The following ANKRD31 variants were observed in gnomAD, a reference collection of about 807,000 sequenced individuals.
ANKRD31 encodes the protein ankyrin repeat domain 31, also known as ankyrin repeat domain-containing protein 31.
Under a neutral mutation model 186.0 loss-of-function variants are expected in ANKRD31, and 147 were observed. The ratio of observed to expected loss-of-function variants is 0.79; its 90% CI spans 0.69 to 0.91. The LOEUF (loss-of-function observed/expected upper bound fraction) is 0.91. Among genes scored for constraint, ANKRD31 ranks in the 40% least tolerant of loss-of-function variants. The pLI, the probability that ANKRD31 is intolerant of heterozygous loss-of-function variation, is 0.00. For missense variants in ANKRD31, 1,986 were observed against 2,148.8 expected (o/e 0.92, Z 1.50); for synonymous variants, 673 against 736.4 (o/e 0.91, Z 1.39).
intron 12 of ANKRD31, 59 bp from the exon 13 acceptor site, chr5:75,148,687 C>T (rs1365129704): frequency 1.5e-6 from 2 of 1,303,208 alleles, no homozygotes; most frequent in African/African-American, 3.0e-5. Context: ...CTTTAGACTT[C>T]TAAAACCCAC....
intron 17 of ANKRD31, among the ~76,000 whole-genome samples, chr5:75,132,671 C>T (rs1275705395): frequency 1.3e-5 from 2 of 152,088 alleles, no homozygotes; most frequent in Non-Finnish European, 2.9e-5. Flanking sequence ...GAGAACGCCA[C>T]AAAGATACTC....
intron 11 of ANKRD31, among the ~76,000 whole-genome samples, chr5:75,158,427 G>A (rs1278921547): frequency 6.6e-6 from 1 of 152,146 alleles, no homozygotes; most frequent in East Asian, 1.9e-4. Flanking sequence ...AGCAACCCAA[G>A]TTGGGCATGT....
intron 11 of ANKRD31, among the ~76,000 whole-genome samples, chr5:75,164,498 G>C (rs527938097): frequency 1.3e-5 from 2 of 152,250 alleles, no homozygotes; most frequent in Non-Finnish European, 2.9e-5. Flanking sequence ...TAAAGGTAGA[G>C]AGTACATAAG....
rs1160286418 is a variant in ANKRD31, at chr5:75,195,839, G to A, written c.809C>T (p.Ser270Leu). ...SSISIPLNSW[S>L]ACHRDLLEDA... Reference sequence around the variant, plus strand: ...TTCTAGTAAATCTCTATGACATGCCGACCAGGAATTCAAAGGTATTGATAT... The same window carrying A: ...TTCTAGTAAATCTCTATGACATGCCAACCAGGAATTCAAAGGTATTGATAT... Residue 270 changes from serine (S) to leucine (L), a missense_variant, in exon 7 of 26, where the codon TCG (serine) becomes TTG (leucine). Coordinates refer to ENST00000506364, the MANE Select transcript of ANKRD31 (RefSeq NM_001372053.1). 12 of 1,537,006 alleles carry A rather than the reference G, an allele frequency of 7.8e-6. No homozygotes were observed. The highest frequency in any genetic ancestry group is 2.4e-5 in the South Asian group (2 of 84,024).
At chr5:75,102,803 T>A (rs1228284284) in intron 22 of ANKRD31, among the ~76,000 whole-genome samples, 1 of 151,954 alleles carries the variant, frequency 6.6e-6, no homozygotes, top group Non-Finnish European at 1.5e-5. Context: ...AGGGTGGGAG[T>A]GTCCCGATTT....
Position 75,168,126 on chromosome 5 carries a change from C to G in ANKRD31, c.1707+853G>C, listed in dbSNP as rs1476428607. ...AAAAACAAACAACAAAAAAAACTGCCTAAACCCTTCTGAAGTACTGTTTCA... is the reference window on the plus strand; with the variant it reads ...AAAAACAAACAACAAAAAAAACTGCGTAAACCCTTCTGAAGTACTGTTTCA... On this transcript the variant is annotated intron_variant, in intron 11 of 25. Transcript: ENST00000506364. Among the ~76,000 whole-genome samples, 6 of 152,166 alleles carry G rather than the reference C, an allele frequency of 3.9e-5. No individual in the cohort carries two copies. In the East Asian group the frequency reaches 9.6e-4, roughly 24 times the overall value.
At chr5:75,211,558 G>A (rs1756651957) in intron 3 of ANKRD31, among the ~76,000 whole-genome samples, 1 of 152,144 alleles carries the variant, frequency 6.6e-6, no homozygotes, top group Admixed American at 6.5e-5. Flanking sequence ...ACTTTTTTAA[G>A]GAATAGCCAC....
intron 20 of ANKRD31, among the ~76,000 whole-genome samples, chr5:75,111,908 C>G (rs1747819262): frequency 6.6e-6 from 1 of 152,186 alleles, no homozygotes; most frequent in Non-Finnish European, 1.5e-5. Context: ...GCACCACCTT[C>G]CACTGCACTA....
At chr5:75,192,591 A>G (rs1292900682) in intron 9 of ANKRD31, 76 bp downstream of exon 9, 2 of 1,193,204 alleles carry the variant, frequency 1.7e-6, no homozygotes, top group Non-Finnish European at 2.3e-6. Context: ...GAAAGTTGAG[A>G]AAGATAATCT....
At chr5:75,204,123 C>T (rs1396734562) in intron 5 of ANKRD31, among the ~76,000 whole-genome samples, 2 of 152,016 alleles carry the variant, frequency 1.3e-5, no homozygotes, top group African/African-American at 2.4e-5. Flanking sequence ...ACTTAAATTT[C>T]CTTAAACAAT....
At chr5:75,078,004 G>A (rs1225840933) in intron 25 of ANKRD31, among the ~76,000 whole-genome samples, 1 of 151,480 alleles carries the variant, frequency 6.6e-6, no homozygotes, top group Admixed American at 6.6e-5. Context: ...ATAGCAGAGG[G>A]CCTGCCACAT....
In ANKRD31 at chr5:75,182,637, T is replaced by C. The variant is rs562595599; in HGVS notation, c.1564+5856A>G. ...GGGAGGCTGAGGCAGGAGAATCTCT[T>C]GAACCTGGGAGGGGAAGGTTTCAGT... On this transcript the variant is annotated intron_variant, in intron 10 of 25. Transcript: ENST00000506364. 5.9e-4 allele frequency among the ~76,000 whole-genome samples: 90 copies of C among 151,802 alleles called. 1 individual carries two copies. The highest frequency in any genetic ancestry group is 2.1e-3 in the African/African-American group (86 of 41,368).
In ANKRD31 at chr5:75,147,189, T is replaced by A. The variant is rs764541920; in HGVS notation, c.2222A>T (p.Asp741Val). 1.7e-5 allele frequency: 26 copies of A among 1,536,348 alleles called. 1 individual carries two copies. In the South Asian group the frequency reaches 3.1e-4, roughly 18 times the overall value. Reference protein sequence around the residue: ...RKTQHKRTQVDDVDCNPRKIL... With the variant: ...RKTQHKRTQVVDVDCNPRKIL... ...CTTTCTTGGATTACAGTCTACATCA[T>A]CTACTTGGGTCCTTTTATGTTGTGT... Residue 741 changes from aspartate (D) to valine (V), a missense_variant, in exon 14 of 26, where the codon GAT (aspartate) becomes GTT (valine). Coordinates refer to ENST00000506364, the MANE Select transcript of ANKRD31 (RefSeq NM_001372053.1).
chr5:75,141,309 A>C (rs1036830348), intron 15 of ANKRD31, among the ~76,000 whole-genome samples: 1 of 152,136 alleles, frequency 6.6e-6, no homozygotes, highest in Non-Finnish European at 1.5e-5. Context: ...GCAATCCAAA[A>C]TTCTTTATTG....
At chr5:75,187,511 A>G (rs984940030) in intron 10 of ANKRD31, among the ~76,000 whole-genome samples, 5 of 151,998 alleles carry the variant, frequency 3.3e-5, no homozygotes, top group Non-Finnish European at 5.9e-5. Flanking sequence ...TGAGAAATCC[A>G]TAAAGTCAAA....
Position 75,080,651 on chromosome 5 carries a change from A to G in ANKRD31, c.5576-12T>C. On this transcript the variant is annotated splice_polypyrimidine_tract_variant and intron_variant, in intron 24 of 25. Coordinates refer to ENST00000506364, the MANE Select transcript of ANKRD31 (RefSeq NM_001372053.1). ...TAAACAAGCAACTTCTGAAAGTGAA[A>G]CAAAACGTTAGTAATAATTTTGCTG... The G allele has an allele frequency of 6.6e-7, 1 of 1,522,744 alleles. No homozygotes were observed. The highest frequency in any genetic ancestry group is 8.8e-7 in the Non-Finnish European group (1 of 1,140,276). 94.3% of individuals were successfully genotyped at this position (1,522,744 alleles called of 1,614,324 possible). A position where few individuals can be genotyped will look rare whatever the true frequency, so the allele number is the denominator to read the frequency against.
In ANKRD31 at chr5:75,148,603, T is replaced by C; in HGVS notation, c.1878A>G (p.Leu626=). Residue 626 remains leucine, a synonymous_variant, in exon 13 of 26, where the codon CTA becomes CTG. Transcript: ENST00000506364. ...TSAQRSSIDP[L]DIEDVYQHKK... ...TGTGTTGGTACACATCCTCTATGTC[T>C]AGTGGGTCAATGCTACTCCTTTGAG... The C allele has an allele frequency of 2.6e-6, 4 of 1,527,002 alleles. No individual in the cohort carries two copies. The highest frequency in any genetic ancestry group is 2.0e-5 in the Admixed American group (1 of 50,142). The allele number at this position is 1,527,002 out of a possible 1,614,324, so 94.6% of individuals were successfully genotyped here. A position where few individuals can be genotyped will look rare whatever the true frequency, so the allele number is the denominator to read the frequency against.
At chr5:75,199,015 AG>A (rs757895199) in intron 6 of ANKRD31, among the ~76,000 whole-genome samples, 3 of 152,168 alleles carry the variant, frequency 2.0e-5, no homozygotes, top group Non-Finnish European at 2.9e-5. Flanking sequence ...AACCTGGGTG[AG>A]ATGCCAAGAC....
At chr5:75,135,238 C>T (rs1214469123) in intron 17 of ANKRD31, among the ~76,000 whole-genome samples, 2 of 152,180 alleles carry the variant, frequency 1.3e-5, no homozygotes, top group African/African-American at 4.8e-5. Context: ...TCCCTGTTTG[C>T]AGATGACATG....
Sources: gnomAD v4.1 joint callset for allele counts (sites outside exome capture counted in the v4.1 genomes callset) on GRCh38, gnomAD v4.1.1 for gene constraint, MANE v1.5 for transcripts, NCBI Gene and HGNC (gene_info 2026-07-23, HGNC 2026-07-21) for gene names.